The following ARHGAP23 variants were observed in gnomAD, a reference collection of about 807,000 sequenced individuals.
ARHGAP23 encodes the protein rho GTPase-activating protein 23.
A neutral mutation model predicts 136.3 loss-of-function variants in ARHGAP23; 34 were observed. The observed-to-expected ratio is 0.25, with a 90% CI of 0.19 to 0.33. ARHGAP23 has a LOEUF of 0.33. Among genes scored for constraint, ARHGAP23 ranks in the 10% least tolerant of loss-of-function variants. The pLI is 1.00. For missense variants in ARHGAP23, 1,808 were observed against 2,139.0 expected, an observed-to-expected ratio of 0.85 and a Z score of 3.05; for synonymous variants, 832 against 920.5, an observed-to-expected ratio of 0.90 and a Z score of 1.74.
chr17:38,448,857 C>CTTTT lies in ARHGAP23; in HGVS notation c.64-9245_64-9244insTTTT, dbSNP rs1567782919. Among the ~76,000 whole-genome samples the CTTTT allele has an allele frequency of 1.0e-4, 13 of 126,112 alleles. 2 individuals carry two copies. The highest frequency in any genetic ancestry group is 4.5e-4 in the African/African-American group (12 of 26,748). 82.7% of individuals were successfully genotyped at this position (126,112 alleles called of 152,430 possible). Reference sequence around the variant, plus strand: ...GATGGGGTCTTGCCAAGTTGCCCAGCCTTTTTTTTTTTTTTTTTGAGACCG... The same window carrying CTTTT: ...GATGGGGTCTTGCCAAGTTGCCCAGCTTTTCTTTTTTTTTTTTTTTTTGAGACCG... On this transcript the variant is annotated intron_variant, in intron 1 of 23. Transcript: ENST00000622683.
chr17:38,428,483 C>G lies in ARHGAP23; in HGVS notation c.-3C>G. On this transcript the variant is annotated 5_prime_UTR_variant, in exon 1 of 24. Transcript: ENST00000622683. The stretch of plus-strand genomic sequence containing the variant: ...CCGGCCGCAGAGCCGCCGCTGCCAC[C>G]CGATGAATGGAGTCGCCTTCTGCCT... 6.9e-7 allele frequency: 1 copy of G among 1,443,398 alleles called. No individual in the cohort carries two copies. Among genetic ancestry groups the G allele is most frequent in the Non-Finnish European group, 9.1e-7 (1 of 1,100,004 alleles). The allele number at this position is 1,443,398 out of a possible 1,614,324, so 89.4% of individuals were successfully genotyped here. A position where few individuals can be genotyped will look rare whatever the true frequency, so the allele number is the denominator to read the frequency against.
At chr17:38,469,950 GGA>G in intron 10 of ARHGAP23, 46 bp downstream of exon 10, 2 of 1,546,638 alleles carry the variant, frequency 1.3e-6, no homozygotes, top group Non-Finnish European at 1.7e-6. Flanking sequence ...GAGGGTGTGG[GGA>G]GAGAGGGTGT....
chr17:38,511,026 C>T lies in ARHGAP23; in HGVS notation c.*54C>T. On this transcript the variant is annotated 3_prime_UTR_variant, in exon 24 of 24. Transcript: ENST00000622683. ...ACCCCTCCCTAGAGCCCCTTTGGAA[C>T]CAGGAGGCTTCACCAGCCTGCACCT... The T allele has an allele frequency of 7.3e-7, 1 of 1,376,566 alleles. No homozygotes were observed. The allele number at this position is 1,376,566 out of a possible 1,614,324, so 85.3% of individuals were successfully genotyped here. A position where few individuals can be genotyped will look rare whatever the true frequency, so the allele number is the denominator to read the frequency against.
intron 1 of ARHGAP23, among the ~76,000 whole-genome samples, chr17:38,453,196 G>A (rs1453769701): frequency 6.6e-6 from 1 of 152,112 alleles, no homozygotes; most frequent in East Asian, 1.9e-4. Context: ...ACACTTGGGC[G>A]GATGTCTGAG....
intron 10 of ARHGAP23, among the ~76,000 whole-genome samples, chr17:38,471,369 T>C (rs1234778482): frequency 6.6e-6 from 1 of 152,232 alleles, no homozygotes; most frequent in Non-Finnish European, 1.5e-5. Context: ...AGCTTATTTC[T>C]TATCACTTTT....
chr17:38,510,544 A>G lies in ARHGAP23; in HGVS notation c.4048A>G (p.Ser1350Gly), dbSNP rs1286494465. ...APEPPGSASS[S>G]SQESLRPPAA... The stretch of plus-strand genomic sequence containing the variant: ...GGAGCCGCCCGGCTCGGCGTCGTCC[A>G]GCAGCCAGGAGTCGCTGCGGCCCCC... Residue 1350 changes from serine (S) to glycine (G), a missense_variant, in exon 24 of 24, where the codon AGC becomes GGC. Ser to Gly is a moderately conservative substitution (Grantham distance 56, BLOSUM62 0). Transcript: ENST00000622683. The surrounding 1 kb of genome is among the most constrained non-coding windows in gnomAD (Gnocchi z 4.6). 1 of 1,193,366 alleles carries G rather than the reference A, an allele frequency of 8.4e-7. No homozygotes were observed. Among genetic ancestry groups the G allele is most frequent in the East Asian group, 3.8e-5 (1 of 26,258 alleles). 73.9% of individuals were successfully genotyped at this position (1,193,366 alleles called of 1,614,324 possible). A position where few individuals can be genotyped will look rare whatever the true frequency, so the allele number is the denominator to read the frequency against.
chr17:38,507,638 A>G (rs991917236), intron 23 of ARHGAP23, among the ~76,000 whole-genome samples: 2 of 152,100 alleles, frequency 1.3e-5, no homozygotes, highest in Non-Finnish European at 2.9e-5. Context: ...CGGCCTCTTA[A>G]GTCTCTCAGA....
At chr17:38,425,005 T>C (rs2038555900), upstream of ARHGAP23, among the ~76,000 whole-genome samples, 1 of 152,236 alleles carries the variant, frequency 6.6e-6, no homozygotes, top group African/African-American at 2.4e-5. Flanking sequence ...CTGTTGTTTG[T>C]TGCCCCTGCC....
chr17:38,510,708 C>T lies in ARHGAP23; in HGVS notation c.4212C>T (p.Arg1404=). ...CCCGGCGGCGCCGGAGCAGCTGGCG[C>T]CGCCACACCGTGGTGGTGCAGAGCC... is the stretch of plus-strand genomic sequence containing the variant. ...PETRRRRSSW[R]RHTVVVQSPL... is the part of the protein sequence containing the mutation. The change falls in exon 24 of 24, where the codon CGC becomes CGT. Residue 1404 remains arginine, a synonymous_variant. Transcript: ENST00000622683. This position sits in a 1 kb window ranked among gnomAD's most constrained non-coding sequence, Gnocchi z 4.6. 1 of 1,443,588 alleles carries T rather than the reference C, an allele frequency of 6.9e-7. No individual in the cohort carries two copies. 89.4% of individuals were successfully genotyped at this position (1,443,588 alleles called of 1,614,324 possible). A position where few individuals can be genotyped will look rare whatever the true frequency, so the allele number is the denominator to read the frequency against.
chr17:38,461,012 T>A (rs2039447985), intron 3 of ARHGAP23, 80 bp downstream of exon 3: 3 of 1,502,204 alleles, frequency 2.0e-6, no homozygotes, highest in Non-Finnish European at 2.7e-6. Flanking sequence ...CCCCTAAGAC[T>A]GCCTGTCCTT....
At chr17:38,429,423 A>G (rs559307909) in intron 1 of ARHGAP23, among the ~76,000 whole-genome samples, 15 of 152,224 alleles carry the variant, frequency 9.9e-5, no homozygotes, top group Non-Finnish European at 2.1e-4. Context: ...TGTCAGGCCA[A>G]CAGTTTCCCT....
At position 38,474,047 on chromosome 17, in the gene ARHGAP23, A is replaced by G. The variant is rs575453309; in HGVS notation, c.2118+2041A>G. Among the ~76,000 whole-genome samples the G allele has an allele frequency of 2.6e-5, 4 of 152,260 alleles. No individual in the cohort carries two copies. In the East Asian group the frequency reaches 5.8e-4, roughly 22 times the overall value. Reference sequence around the variant, plus strand: ...GCAATTCTTGAGCCTCAGCCTCCTGAGTAGCTAGGACTACAGGCGCCTGCT... The same window carrying G: ...GCAATTCTTGAGCCTCAGCCTCCTGGGTAGCTAGGACTACAGGCGCCTGCT... On this transcript the variant is annotated intron_variant, in intron 11 of 23. Transcript: ENST00000622683.
intron 7 of ARHGAP23, among the ~76,000 whole-genome samples, chr17:38,468,913 G>A (rs1567802212): frequency 2.6e-5 from 4 of 152,290 alleles, no homozygotes; most frequent in Middle Eastern, 3.4e-3. Context: ...TCTGTCCTCT[G>A]GAGCCCGGTC....
chr17:38,506,950 T>A (rs918420086), intron 23 of ARHGAP23, among the ~76,000 whole-genome samples: 1 of 152,100 alleles, frequency 6.6e-6, no homozygotes, highest in Non-Finnish European at 1.5e-5. Flanking sequence ...AGGTGCTCCG[T>A]GTGTGTCGGA....
intron 1 of ARHGAP23, among the ~76,000 whole-genome samples, chr17:38,439,992 T>A (rs1332844859): frequency 2.0e-5 from 3 of 150,656 alleles, no homozygotes; most frequent in Admixed American, 6.6e-5. Context: ...CCTCCTAGAG[T>A]GCTGGGATTA....
At chr17:38,500,797 A>G (rs2040502796) in intron 23 of ARHGAP23, 169 bp downstream of exon 23, 2 of 665,530 alleles carry the variant, frequency 3.0e-6, no homozygotes, top group Non-Finnish European at 2.7e-6. Flanking sequence ...GAAATTGCTT[A>G]CCTTGGCAGT....
chr17:38,438,321 C>CAA (rs34412310), intron 1 of ARHGAP23, among the ~76,000 whole-genome samples: 8,427 of 115,050 alleles, frequency 0.073, 599 homozygotes, highest in East Asian at 0.24. Context: ...GACTCCGTCT[C>CAA]AAAAAAAAAA....
intron 23 of ARHGAP23, among the ~76,000 whole-genome samples, chr17:38,508,427 T>G (rs1336517844): frequency 2.0e-5 from 3 of 152,058 alleles, no homozygotes; most frequent in Admixed American, 2.0e-4. Context: ...AGCAGGGCAG[T>G]AGGCTGGGAA....
chr17:38,439,004 A>G (rs2038863130), intron 1 of ARHGAP23, among the ~76,000 whole-genome samples: 1 of 151,476 alleles, frequency 6.6e-6, no homozygotes, highest in Non-Finnish European at 1.5e-5. Context: ...AAATAGATAC[A>G]TACATACATA....
Sources: gnomAD v4.1 joint callset for allele counts (sites outside exome capture counted in the v4.1 genomes callset) on GRCh38, gnomAD v4.1.1 for gene constraint, Gnocchi (gnomAD v3.1) non-coding constraint, MANE v1.5 for transcripts, NCBI Gene and HGNC (gene_info 2026-07-23, HGNC 2026-07-21) for gene names.